Variants in C7orf57 observed in about 807,000 individuals in gnomAD.
C7orf57 encodes uncharacterized protein C7orf57.
Under a neutral mutation model 39.0 loss-of-function variants are expected in C7orf57, and 33 were observed. That is an observed-to-expected ratio of 0.85 (90% CI 0.64 to 1.13). The LOEUF (loss-of-function observed/expected upper bound fraction) is 1.13, where lower values mean the gene tolerates loss of function less well. C7orf57 is among the 50% of genes most tolerant of loss of function. The pLI, the probability that C7orf57 is intolerant of heterozygous loss-of-function variation, is 0.00. For synonymous variants in C7orf57, 124 were observed against 137.1 expected (o/e 0.90, Z 0.67); for missense variants, 346 against 362.3 (o/e 0.95, Z 0.37).
At chr7:48,054,867 GATTATTATT>G (rs869049817) in intron 8 of C7orf57, among the ~76,000 whole-genome samples, 4 of 150,032 alleles carry the variant, frequency 2.7e-5, no homozygotes, top group Admixed American at 1.3e-4. Context: ...TGATGATGAT[GATTATTATT>G]ATTATTATTA....
At chr7:48,051,792 TTCTTTCCTTCCTTCCTTTTCTCTTC>T in intron 6 of C7orf57, among the ~76,000 whole-genome samples, 2 of 103,746 alleles carry the variant, frequency 1.9e-5, no homozygotes, top group African/African-American at 3.8e-5. Flanking sequence ...CTTTCTTTCT[TTCTTTCCTTCCTTCCTTTTCTCTTC>T]TCTTTCTTTC....
chr7:48,056,004 T>C (rs1042711479), intron 8 of C7orf57, among the ~76,000 whole-genome samples: 1 of 152,220 alleles, frequency 6.6e-6, no homozygotes, highest in Non-Finnish European at 1.5e-5. Flanking sequence ...TGCTATATCA[T>C]ACGAGAATTC....
intron 6 of C7orf57, among the ~76,000 whole-genome samples, chr7:48,052,193 C>A (rs938484594): frequency 6.6e-6 from 1 of 151,892 alleles, no homozygotes; most frequent in Admixed American, 6.6e-5. Context: ...AGGATGGCCT[C>A]GATCTCTTGA....
chr7:48,046,390 G>C, intron 4 of C7orf57, 70 bp from the exon 5 acceptor site: 1 of 1,440,312 alleles, frequency 6.9e-7, no homozygotes, highest in East Asian at 2.4e-5. Context: ...GCCAGCGATG[G>C]AGATGGAAGG....
chr7:48,049,971 C>T lies in C7orf57; in HGVS notation c.599C>T (p.Pro200Leu), dbSNP rs762473353. Residue 200 changes from proline to leucine, a missense_variant, in exon 6 of 9, where the codon CCC becomes CTC. Coordinates refer to ENST00000348904, the MANE Select transcript of C7orf57 (RefSeq NM_001100159.3). ...KNPAGSRLSF[P>L]PVPGQKNSSP... ...CCTGCAGGAAGTAGACTCTCCTTCC[C>T]CCCCGTGTAAGTGCTTGAGCTACGC... The T allele has an allele frequency of 2.5e-6, 4 of 1,608,530 alleles. No individual in the cohort carries two copies. Among genetic ancestry groups the T allele is most frequent in the Admixed American group, 3.3e-5 (2 of 59,962 alleles).
At position 48,054,754 on chromosome 7, in the gene C7orf57, G is replaced by A. The variant is rs1320297180; in HGVS notation, c.841+148G>A. On this transcript the variant is annotated intron_variant, in intron 8 of 8. Coordinates refer to ENST00000348904, the MANE Select transcript of C7orf57 (RefSeq NM_001100159.3). ...TGCATGCATTCTGACTACAAAGCTT[G>A]TGCCATGTATGCTTTAAAAAAATCA... The A allele has an allele frequency of 1.6e-5, 10 of 633,158 alleles. No individual in the cohort carries two copies. The South Asian group carries it at 2.1e-4, about 13-fold the overall frequency. The allele number at this position is 633,158 out of a possible 1,614,324, so 39.2% of individuals were successfully genotyped here.
rs76950700 is a variant in C7orf57 at position 48,054,762 on chromosome 7, T to A, written c.841+156T>A. On this transcript the variant is annotated intron_variant, in intron 8 of 8. Transcript: ENST00000348904. ...TTCTGACTACAAAGCTTGTGCCATG[T>A]ATGCTTTAAAAAAATCAGAGTTCCA... Among the ~76,000 whole-genome samples the A allele has an allele frequency of 2.6e-5, 4 of 152,332 alleles. No homozygotes were observed. In the East Asian group the frequency reaches 7.7e-4, roughly 29 times the overall value.
At chr7:48,042,082 T>A (rs1048613323) in intron 3 of C7orf57, among the ~76,000 whole-genome samples, 1 of 152,190 alleles carries the variant, frequency 6.6e-6, no homozygotes, top group Admixed American at 6.5e-5. Flanking sequence ...CTGATCAGAG[T>A]CTAAAATGTC....
intron 2 of C7orf57, among the ~76,000 whole-genome samples, chr7:48,038,712 G>C (rs1015389798): frequency 6.6e-6 from 1 of 152,230 alleles, no homozygotes; most frequent in African/African-American, 2.4e-5. Context: ...AGCCCCAGGA[G>C]TTCTTGAGAA....
intron 8 of C7orf57, among the ~76,000 whole-genome samples, chr7:48,058,125 T>C (rs558067205): frequency 7.5e-4 from 114 of 152,308 alleles, no homozygotes; most frequent in African/African-American, 2.6e-3. Flanking sequence ...TTTGCATCTA[T>C]GTTTATCAGG....
intron 6 of C7orf57, among the ~76,000 whole-genome samples, chr7:48,052,201 T>C (rs536860291): frequency 8.5e-5 from 13 of 152,092 alleles, no homozygotes; most frequent in African/African-American, 1.2e-4. Flanking sequence ...CTCGATCTCT[T>C]GACCTCATGG....
intron 8 of C7orf57, among the ~76,000 whole-genome samples, chr7:48,055,081 T>A (rs1171802675): frequency 6.6e-6 from 1 of 152,164 alleles, no homozygotes. Flanking sequence ...TTTCACCGTG[T>A]TAGCCAGGAT....
chr7:48,051,845 T>TCTCTTCTCTTCTCTTC (rs1200449303), intron 6 of C7orf57, among the ~76,000 whole-genome samples: 1 of 81,092 alleles, frequency 1.2e-5, no homozygotes, highest in Non-Finnish European at 2.4e-5. Flanking sequence ...CTTTCTTTCT[T>TCTCTTCTCTTCTCTTC]TCTTTCTTTC....
chr7:48,036,274 C>G lies in C7orf57; in HGVS notation c.-35C>G. 6.4e-7 allele frequency: 1 copy of G among 1,561,740 alleles called. No homozygotes were observed. Among genetic ancestry groups the G allele is most frequent in the South Asian group, 1.2e-5 (1 of 84,796 alleles). On this transcript the variant is annotated 5_prime_UTR_variant, in exon 2 of 9. Transcript: ENST00000348904. ...CACCCGCGAACACCAGGTCCGGCAG[C>G]ATCTGTCTTTTCCCGCAGCGTGCAG...
intron 2 of C7orf57, among the ~76,000 whole-genome samples, chr7:48,037,981 C>T (rs1159817731): frequency 6.6e-6 from 1 of 152,138 alleles, no homozygotes; most frequent in Non-Finnish European, 1.5e-5. Flanking sequence ...AAAAATAATG[C>T]AACAATCAAA....
intron 2 of C7orf57, among the ~76,000 whole-genome samples, chr7:48,037,180 AG>A (rs1790398217): frequency 2.2e-5 from 1 of 44,840 alleles, no homozygotes; most frequent in Non-Finnish European, 4.3e-5. Flanking sequence ...GAAAGGGGAC[AG>A]CACAGAAGGC....
chr7:48,043,431 T>C (rs1562624451), intron 3 of C7orf57, 50 bp from the exon 4 acceptor site: 6 of 1,390,126 alleles, frequency 4.3e-6, no homozygotes, highest in Non-Finnish European at 6.0e-6. Context: ...GCTGTGCGTC[T>C]GTGTAGGGGC....
chr7:48,053,137 G>T lies in C7orf57; in HGVS notation c.829+214G>T, dbSNP rs535279212. ...TATTCAAATGAATAGCGGAAGTCAT[G>T]ACTTTTGGGGTTTCACATTTTCTTT... On this transcript the variant is annotated intron_variant, in intron 7 of 8. Transcript: ENST00000348904. 3 of 663,678 alleles carry T rather than the reference G, an allele frequency of 4.5e-6. No individual in the cohort carries two copies. The South Asian group carries it at 4.8e-5, about 11-fold the overall frequency. 41.1% of individuals were successfully genotyped at this position (663,678 alleles called of 1,614,324 possible).
intron 2 of C7orf57, among the ~76,000 whole-genome samples, chr7:48,036,678 C>T (rs575655746): frequency 1.1e-4 from 16 of 152,188 alleles, no homozygotes; most frequent in Admixed American, 3.3e-4. Context: ...TAGTTCAACC[C>T]TATACAATTC....
Sources: gnomAD v4.1 joint callset for allele counts (sites outside exome capture counted in the v4.1 genomes callset) on GRCh38, gnomAD v4.1.1 for gene constraint, MANE v1.5 for transcripts, NCBI Gene and HGNC (gene_info 2026-07-23, HGNC 2026-07-21) for gene names.